RIMS2: variants seen among roughly 807,000 people sequenced by gnomAD.
RIMS2 encodes regulating synaptic membrane exocytosis protein 2.
RIMS2 carries 59 observed loss-of-function variants against 174.4 expected under a neutral mutation model. The observed-to-expected ratio is 0.34, with a 90% CI of 0.27 to 0.42. RIMS2 has a LOEUF of 0.42. Among genes scored for constraint, RIMS2 ranks in the 10% least tolerant of loss-of-function variants. RIMS2 has a pLI of 1.00. For missense variants in RIMS2, 1,620 were observed against 1,666.3 expected (o/e 0.97, Z 0.48); for synonymous variants, 606 against 572.5 (o/e 1.06, Z -0.84).
intron 2 of RIMS2, among the ~76,000 whole-genome samples, chr8:103,747,038 C>A (rs917407720): frequency 6.6e-6 from 1 of 151,276 alleles, no homozygotes; most frequent in African/African-American, 2.4e-5. Flanking sequence ...TGGCCTCCAA[C>A]TCTATCCATG....
At chr8:103,847,051 T>G (rs1160573156) in intron 3 of RIMS2, among the ~76,000 whole-genome samples, 1 of 152,060 alleles carries the variant, frequency 6.6e-6, no homozygotes, top group Admixed American at 6.6e-5. Context: ...CCAGTGTGAT[T>G]ATTATTATTT....
chr8:103,638,292 A>G (rs1589499072), intron 1 of RIMS2, among the ~76,000 whole-genome samples: 1 of 152,126 alleles, frequency 6.6e-6, no homozygotes, highest in South Asian at 2.1e-4. Context: ...ACTTGAGGCT[A>G]TGCAAATATT....
At chr8:103,659,951 T>C (rs1010700721) in intron 1 of RIMS2, among the ~76,000 whole-genome samples, 4 of 152,346 alleles carry the variant, frequency 2.6e-5, no homozygotes, top group Non-Finnish European at 4.4e-5. Context: ...TACTTCTCCA[T>C]TGATGTGGGC....
intron 19 of RIMS2, among the ~76,000 whole-genome samples, chr8:104,203,832 A>G (rs1387207986): frequency 1.3e-5 from 2 of 152,176 alleles, no homozygotes; most frequent in African/African-American, 2.4e-5. Flanking sequence ...ATTACACTAA[A>G]TAAAACAATT....
chr8:103,577,099 T>G (rs1588119571), intron 1 of RIMS2, among the ~76,000 whole-genome samples: 2 of 152,306 alleles, frequency 1.3e-5, no homozygotes, highest in East Asian at 3.9e-4. Flanking sequence ...CTAAAGAGCT[T>G]CTTCACAGCA....
At position 103,933,483 on chromosome 8, in the gene RIMS2, C is replaced by T. The variant is rs558343358; in HGVS notation, c.2375+2090C>T. On this transcript the variant is annotated intron_variant, in intron 12 of 23. Transcript: ENST00000504942. The stretch of plus-strand genomic sequence containing the variant: ...GCAGCCTGACAACAGAGCAAGAATC[C>T]ATCTCAAATAAAAAAAAGAGTAAAA... Among the ~76,000 whole-genome samples, 16 of 152,246 alleles carry T rather than the reference C, an allele frequency of 1.1e-4. No homozygotes were observed. In the East Asian group the frequency reaches 2.9e-3, roughly 28 times the overall value.
chr8:104,223,879 C>G, intron 19 of RIMS2: 1 of 1,101,848 alleles, frequency 9.1e-7, no homozygotes, highest in East Asian at 2.6e-5. Context: ...GAGAGAACTC[C>G]ACGTAGCAGT....
intron 1 of RIMS2, among the ~76,000 whole-genome samples, chr8:103,601,864 C>A (rs1341674860): frequency 6.6e-6 from 1 of 151,764 alleles, no homozygotes; most frequent in African/African-American, 2.4e-5. Context: ...TTTCTTATAA[C>A]CTATTATTTT....
At chr8:104,162,222 AC>A (rs2098767024) in intron 19 of RIMS2, among the ~76,000 whole-genome samples, 1 of 152,198 alleles carries the variant, frequency 6.6e-6, no homozygotes, top group South Asian at 2.1e-4. Flanking sequence ...TTCAAGAAAT[AC>A]TGTAGACATA....
intron 17 of RIMS2, among the ~76,000 whole-genome samples, chr8:104,009,573 A>G (rs911762379): frequency 6.6e-6 from 1 of 152,114 alleles, no homozygotes; most frequent in Non-Finnish European, 1.5e-5. Context: ...GAGATTACAG[A>G]CATGAGCCAC....
rs2098667218 is a variant in RIMS2, at chr8:103,808,745, G to A, written c.698+42208G>A. Among the ~76,000 whole-genome samples the A allele has an allele frequency of 2.0e-5, 3 of 152,010 alleles. No individual in the cohort carries two copies. In the South Asian group the frequency reaches 6.2e-4, roughly 32 times the overall value. On this transcript the variant is annotated intron_variant, in intron 3 of 23. Coordinates refer to ENST00000504942, the Ensembl canonical transcript of RIMS2. ...ATCAACGACTAAGTCCTGTTGATTC[G>A]ACTTCTACCTTTTAAGTCTATTCTT...
chr8:104,121,987 A>G (rs34893520), intron 19 of RIMS2, among the ~76,000 whole-genome samples: 33,596 of 152,006 alleles, frequency 0.22, 3,861 homozygotes, highest in South Asian at 0.31. Flanking sequence ...ATAAAATAAT[A>G]TAATAGAATA....
At chr8:104,228,784 TA>T (rs2099206105) in intron 19 of RIMS2, among the ~76,000 whole-genome samples, 1 of 152,228 alleles carries the variant, frequency 6.6e-6, no homozygotes, top group Non-Finnish European at 1.5e-5. Flanking sequence ...TAGGGGATAT[TA>T]TTTTTTCTAG....
intron 2 of RIMS2, among the ~76,000 whole-genome samples, chr8:103,701,098 T>G (rs1403859362): frequency 2.0e-5 from 3 of 152,112 alleles, no homozygotes; most frequent in African/African-American, 4.8e-5. Flanking sequence ...TATAATTATA[T>G]CTGGTATCAC....
At chr8:104,116,365 G>A (rs1291435312) in intron 19 of RIMS2, among the ~76,000 whole-genome samples, 1 of 152,078 alleles carries the variant, frequency 6.6e-6, no homozygotes. Context: ...TCCAGAAGTA[G>A]AGCTAATTAT....
At chr8:104,168,496 A>G (rs898317959) in intron 19 of RIMS2, among the ~76,000 whole-genome samples, 6 of 152,068 alleles carry the variant, frequency 3.9e-5, no homozygotes, top group Non-Finnish European at 8.8e-5. Flanking sequence ...AGTGTTACTA[A>G]TTTGAGTACC....
chr8:103,601,649 T>C (rs1375449449), intron 1 of RIMS2, among the ~76,000 whole-genome samples: 3 of 152,188 alleles, frequency 2.0e-5, no homozygotes, highest in Admixed American at 2.0e-4. Flanking sequence ...TTGGAAAGTT[T>C]AGTCCATTTA....
chr8:104,068,600 T>C (rs1205068772), intron 19 of RIMS2: 23 of 1,535,516 alleles, frequency 1.5e-5, no homozygotes, highest in Non-Finnish European at 1.9e-5. Context: ...TGGAACAAGA[T>C]TACCATTCGA....
intron 19 of RIMS2, among the ~76,000 whole-genome samples, chr8:104,073,362 G>C (rs905946976): frequency 6.6e-6 from 1 of 152,152 alleles, no homozygotes; most frequent in Admixed American, 6.5e-5. Flanking sequence ...CTTTGAAAGA[G>C]TGGCCCCATA....
Sources: allele counts gnomAD v4.1 joint callset (sites outside exome capture counted in the v4.1 genomes callset), GRCh38; gene constraint gnomAD v4.1.1; transcripts MANE v1.5; gene names NCBI Gene and HGNC (gene_info 2026-07-23, HGNC 2026-07-21).